The following FAM135B variants were observed in gnomAD, a reference collection of about 807,000 sequenced individuals.
FAM135B encodes the protein family with sequence similarity 135 member B.
Under a neutral mutation model 127.7 loss-of-function variants are expected in FAM135B, and 43 were observed. That is an observed-to-expected ratio of 0.34 (90% confidence interval 0.26 to 0.43). The LOEUF (loss-of-function observed/expected upper bound fraction) is 0.43. Ranked by LOEUF, FAM135B falls within the 20% of genes least tolerant of loss-of-function variation. FAM135B has a pLI of 1.00. For synonymous variants in FAM135B, 670 were observed against 665.1 expected, an observed-to-expected ratio of 1.01 and a Z score of -0.11; for missense variants, 1,558 against 1,725.6, an observed-to-expected ratio of 0.90 and a Z score of 1.72.
chr8:138,370,178 G>T (rs1414382691), intron 1 of FAM135B, among the ~76,000 whole-genome samples: 1 of 152,136 alleles, frequency 6.6e-6, no homozygotes, highest in East Asian at 1.9e-4. Context: ...AGAATGGCTG[G>T]GACCATGTTT....
At chr8:138,233,950 A>G (rs1162239891) in intron 7 of FAM135B, among the ~76,000 whole-genome samples, 1 of 152,220 alleles carries the variant, frequency 6.6e-6, no homozygotes, top group Non-Finnish European at 1.5e-5. Flanking sequence ...ATCACTAATT[A>G]TTAAGGAAGT....
At chr8:138,259,713 C>A (rs964253823) in intron 4 of FAM135B, among the ~76,000 whole-genome samples, 1 of 152,214 alleles carries the variant, frequency 6.6e-6, no homozygotes, top group East Asian at 1.9e-4. Flanking sequence ...TTTAGATAAA[C>A]GCCTTCTCTA....
At chr8:138,319,318 A>G (rs1027157316) in intron 2 of FAM135B, among the ~76,000 whole-genome samples, 34 of 151,926 alleles carry the variant, frequency 2.2e-4, no homozygotes, top group African/African-American at 8.2e-4. Flanking sequence ...TGTTGGCCAG[A>G]CTGGTCTTGA....
At chr8:138,326,699 G>A (rs1308762534) in intron 2 of FAM135B, among the ~76,000 whole-genome samples, 1 of 152,102 alleles carries the variant, frequency 6.6e-6, no homozygotes, top group Non-Finnish European at 1.5e-5. Flanking sequence ...TAGAATCCAG[G>A]TGCTCAGAAA....
upstream of FAM135B, among the ~76,000 whole-genome samples, chr8:138,497,400 C>G (rs1216665704): frequency 2.0e-5 from 3 of 151,436 alleles, no homozygotes; most frequent in East Asian, 5.9e-4. Context: ...GCTGCGGCCC[C>G]GCGTGCGGCC....
chr8:138,132,385 A>G lies in FAM135B; in HGVS notation c.*208T>C, dbSNP rs1175343654. ...ACACTCCAGGTAACTATACAAATTCAAGCAAAGTTTGTTGTCATTTAGTCT... is the reference window on the plus strand; with the variant it reads ...ACACTCCAGGTAACTATACAAATTCGAGCAAAGTTTGTTGTCATTTAGTCT... On this transcript the variant is annotated 3_prime_UTR_variant, in exon 20 of 20. Coordinates refer to ENST00000395297, the MANE Select transcript of FAM135B (RefSeq NM_015912.4). This position sits in a 1 kb window ranked among gnomAD's most constrained non-coding sequence, Gnocchi z 4.5. 3 of 551,224 alleles carry G rather than the reference A, an allele frequency of 5.4e-6. No homozygotes were observed. The highest frequency in any genetic ancestry group is 9.7e-6 in the Non-Finnish European group (3 of 308,590). 34.1% of individuals were successfully genotyped at this position (551,224 alleles called of 1,614,324 possible). A position where few individuals can be genotyped will look rare whatever the true frequency, so the allele number is the denominator to read the frequency against.
chr8:138,339,112 G>A (rs1227047784), intron 2 of FAM135B, among the ~76,000 whole-genome samples: 1 of 148,670 alleles, frequency 6.7e-6, no homozygotes, highest in Non-Finnish European at 1.5e-5. Context: ...GCCTGTCATG[G>A]GGTGGGGGAG....
At chr8:138,291,498 T>C (rs563245466) in intron 3 of FAM135B, among the ~76,000 whole-genome samples, 1 of 151,986 alleles carries the variant, frequency 6.6e-6, no homozygotes, top group Non-Finnish European at 1.5e-5. Context: ...AAGAAAAAAA[T>C]ATATAGACCA....
chr8:138,377,001 T>C (rs1029329833), intron 1 of FAM135B, among the ~76,000 whole-genome samples: 1 of 152,220 alleles, frequency 6.6e-6, no homozygotes, highest in Non-Finnish European at 1.5e-5. Context: ...ACTAGAGCAT[T>C]CTCAGTTGCC....
chr8:138,172,163 G>A (rs1820519347), intron 11 of FAM135B, among the ~76,000 whole-genome samples: 3 of 152,204 alleles, frequency 2.0e-5, no homozygotes, highest in African/African-American at 7.2e-5. Flanking sequence ...CAAACTGCAG[G>A]GAGAATGTGG....
intron 7 of FAM135B, among the ~76,000 whole-genome samples, chr8:138,228,040 G>A (rs896371618): frequency 6.6e-6 from 1 of 152,086 alleles, no homozygotes; most frequent in African/African-American, 2.4e-5. Context: ...AAAAGCATCC[G>A]TTTCTGAGCC....
At position 138,152,000 on chromosome 8, in the gene FAM135B, T is replaced by C. The variant is rs778960774; in HGVS notation, c.2475A>G (p.Ala825=). 6.2e-7 allele frequency: 1 copy of C among 1,614,088 alleles called. No individual in the cohort carries two copies. The highest frequency in any genetic ancestry group is 8.5e-7 in the Non-Finnish European group (1 of 1,180,012). The change falls in exon 13 of 20, where the codon GCA becomes GCG. Residue 825 remains alanine (A), a synonymous_variant. Transcript: ENST00000395297. ...AAACTATCTCCACCAGGGGATGGTC[T>C]GCTCCAGCATCTGTTCCAGAGTCAC... ...LCGDSGTDAG[A]DHPLVEIVLD...
intron 6 of FAM135B, 91 bp downstream of exon 6, chr8:138,250,750 G>T: frequency 7.1e-7 from 1 of 1,409,820 alleles, no homozygotes; most frequent in South Asian, 1.3e-5. Context: ...CCTTGCGTGT[G>T]CTGATCTCTC....
At chr8:138,464,076 C>T (rs1413676717) in intron 1 of FAM135B, among the ~76,000 whole-genome samples, 1 of 152,048 alleles carries the variant, frequency 6.6e-6, no homozygotes, top group East Asian at 1.9e-4. Flanking sequence ...ATTCCTTTAT[C>T]AGGTAGTATT....
Position 138,259,620 on chromosome 8 carries a change from C to T in FAM135B, c.298-2861G>A, listed in dbSNP as rs540025704. 1.7e-3 allele frequency among the ~76,000 whole-genome samples: 257 copies of T among 152,292 alleles called. 1 individual carries two copies. Among genetic ancestry groups the T allele is most frequent in the African/African-American group, 5.8e-3 (241 of 41,554 alleles). ...CTATCAGCCTCACATAGTGCCCATC[C>T]TGCACACTGGTCACAAACACAGACT... On this transcript the variant is annotated intron_variant, in intron 4 of 19. Transcript: ENST00000395297.
At chr8:138,347,049 G>T (rs2131093712) in intron 2 of FAM135B, among the ~76,000 whole-genome samples, 1 of 152,284 alleles carries the variant, frequency 6.6e-6, no homozygotes, top group South Asian at 2.1e-4. Flanking sequence ...TTACAGTTTG[G>T]TAAGTGAATA....
intron 1 of FAM135B, among the ~76,000 whole-genome samples, chr8:138,411,466 A>G (rs1471700323): frequency 6.6e-6 from 1 of 152,080 alleles, no homozygotes; most frequent in African/African-American, 2.4e-5. Flanking sequence ...CCTTCCTTAC[A>G]CCTTATACGA....
intron 6 of FAM135B, among the ~76,000 whole-genome samples, chr8:138,250,388 A>C (rs906660458): frequency 6.6e-6 from 1 of 152,116 alleles, no homozygotes; most frequent in Non-Finnish European, 1.5e-5. Context: ...AAATGAATGA[A>C]CCTTCTACAT....
In FAM135B at chr8:138,172,612, G is replaced by C. The variant is rs1437198434; in HGVS notation, c.1104-4563C>G. On this transcript the variant is annotated intron_variant, in intron 11 of 19. Coordinates refer to ENST00000395297, the MANE Select transcript of FAM135B (RefSeq NM_015912.4). The stretch of plus-strand genomic sequence containing the variant: ...ATTTATTGTCTTCTCCGTCCAGTGA[G>C]GGCAGAGACCTTGTCTACCTTGTTA... Among the ~76,000 whole-genome samples the C allele has an allele frequency of 3.3e-5, 5 of 152,140 alleles. No individual in the cohort carries two copies. The East Asian group carries it at 9.6e-4, about 29-fold the overall frequency.
Sources: allele counts gnomAD v4.1 joint callset (sites outside exome capture counted in the v4.1 genomes callset), GRCh38; gene constraint gnomAD v4.1.1; non-coding constraint Gnocchi (gnomAD v3.1); transcripts MANE v1.5; gene names NCBI Gene and HGNC (gene_info 2026-07-23, HGNC 2026-07-21).